MBD5: variants seen among roughly 807,000 people sequenced by gnomAD.
MBD5 encodes the protein methyl-CpG-binding domain protein 5.
A neutral mutation model predicts 117.3 loss-of-function variants in MBD5; 13 were observed. That is an observed-to-expected ratio of 0.11 (90% CI 0.07 to 0.18). MBD5 has a LOEUF of 0.18. Among genes scored for constraint, MBD5 ranks in the 10% least tolerant of loss-of-function variants. MBD5 has a pLI of 1.00. For missense variants in MBD5, 1,879 were observed against 2,093.8 expected, an observed-to-expected ratio of 0.90 and a Z score of 2.00; for synonymous variants, 727 against 766.4, an observed-to-expected ratio of 0.95 and a Z score of 0.85.
At chr2:148,066,921 G>T (rs1002042738) in intron 1 of MBD5, among the ~76,000 whole-genome samples, 1 of 152,068 alleles carries the variant, frequency 6.6e-6, no homozygotes, top group Non-Finnish European at 1.5e-5. Context: ...ATTCTTTAGT[G>T]CACCCACCCA....
intron 4 of MBD5, among the ~76,000 whole-genome samples, chr2:148,379,486 A>G (rs1003204484): frequency 1.3e-5 from 2 of 152,116 alleles, no homozygotes; most frequent in African/African-American, 2.4e-5. Context: ...AACTAAAGAA[A>G]CCTCTGAAAG....
chr2:148,421,026 T>C (rs2105262309), intron 4 of MBD5, among the ~76,000 whole-genome samples: 1 of 152,260 alleles, frequency 6.6e-6, no homozygotes, highest in East Asian at 1.9e-4. Context: ...ACTACACCCA[T>C]GAAAAGTGGT....
intron 4 of MBD5, among the ~76,000 whole-genome samples, chr2:148,380,926 A>T (rs1704123173): frequency 6.6e-6 from 1 of 152,204 alleles, no homozygotes; most frequent in Non-Finnish European, 1.5e-5. Context: ...GTTAGAAGGA[A>T]AACTACCAAA....
rs374439656 is a variant in MBD5 at position 148,030,909 on chromosome 2, A to C, written c.-925+9225A>C. Among the ~76,000 whole-genome samples the C allele has an allele frequency of 2.6e-4, 39 of 152,152 alleles. 3 individuals carry two copies. Among genetic ancestry groups the C allele is most frequent in the Admixed American group, 1.7e-3 (26 of 15,284 alleles). ...TGTCAGACTTATCTAACAGGGTGAAAAGCCTAGTCAATTGAGGAAGGAACA... is the reference window on the plus strand; with the variant it reads ...TGTCAGACTTATCTAACAGGGTGAACAGCCTAGTCAATTGAGGAAGGAACA... On this transcript the variant is annotated intron_variant, in intron 1 of 13. Coordinates refer to ENST00000642680, the MANE Select transcript of MBD5 (RefSeq NM_001378120.1).
At chr2:148,321,760 C>G (rs930803406) in intron 3 of MBD5, among the ~76,000 whole-genome samples, 5 of 152,022 alleles carry the variant, frequency 3.3e-5, no homozygotes, top group Non-Finnish European at 7.4e-5. Flanking sequence ...AAAATCCCAA[C>G]TCTTTTTTTA....
rs1682305216 is a variant in MBD5, at chr2:148,514,713, G to A, written c.*1772G>A. The A allele has an allele frequency of 6.6e-6, 1 of 152,328 alleles. No homozygotes were observed. Among genetic ancestry groups the A allele is most frequent in the Non-Finnish European group, 1.5e-5 (1 of 68,138 alleles). 9.4% of individuals were successfully genotyped at this position (152,328 alleles called of 1,614,324 possible). ...AGAGTTCCAGTAACTCAGGAAAATG[G>A]AGACCAAGGTCATTCCTTAAGTTGG... On this transcript the variant is annotated 3_prime_UTR_variant, in exon 14 of 14. Coordinates refer to ENST00000642680, the MANE Select transcript of MBD5 (RefSeq NM_001378120.1).
In MBD5 at chr2:148,348,225, C is replaced by A. The variant is rs889466049; in HGVS notation, c.-557+5889C>A. Among the ~76,000 whole-genome samples the A allele has an allele frequency of 2.0e-5, 3 of 152,014 alleles. No homozygotes were observed. In the East Asian group the frequency reaches 5.8e-4, roughly 29 times the overall value. ...TATCCAGTGGTTGTTCCTCCCCATA[C>A]CTTTTTGCACACAACTTTAGCCCGT... On this transcript the variant is annotated intron_variant, in intron 4 of 13. Coordinates refer to ENST00000642680, the MANE Select transcript of MBD5 (RefSeq NM_001378120.1).
chr2:148,471,878 TCGACACAAATG>T (rs1290116421), intron 8 of MBD5: 1 of 152,104 alleles, frequency 6.6e-6, no homozygotes, highest in African/African-American at 2.4e-5. Flanking sequence ...TTTAGATAAC[TCGACACAAATG>T]AAAATTTTAT....
intron 4 of MBD5, among the ~76,000 whole-genome samples, chr2:148,369,856 G>T (rs1703804221): frequency 6.6e-6 from 1 of 152,046 alleles, no homozygotes; most frequent in African/African-American, 2.4e-5. Context: ...TTGAATTCAG[G>T]ATATTAATAT....
intron 4 of MBD5, among the ~76,000 whole-genome samples, chr2:148,435,053 T>C (rs1380202386): frequency 6.6e-6 from 1 of 152,180 alleles, no homozygotes; most frequent in African/African-American, 2.4e-5. Context: ...GTTTAAAATC[T>C]GTTTTGTCTG....
At chr2:148,333,250 T>C (rs1458370216) in intron 3 of MBD5, among the ~76,000 whole-genome samples, 1 of 152,178 alleles carries the variant, frequency 6.6e-6, no homozygotes, top group Non-Finnish European at 1.5e-5. Flanking sequence ...TGTCACCTTA[T>C]AGTTAAGGAA....
chr2:148,109,047 G>A (rs930057461), intron 1 of MBD5, among the ~76,000 whole-genome samples: 30 of 152,118 alleles, frequency 2.0e-4, no homozygotes, highest in African/African-American at 6.3e-4. Context: ...AAATGCCTTC[G>A]TATCTTTTAC....
intron 3 of MBD5, among the ~76,000 whole-genome samples, chr2:148,298,973 G>C (rs573160320): frequency 1.3e-5 from 2 of 152,194 alleles, no homozygotes; most frequent in South Asian, 4.1e-4. Flanking sequence ...GTGTGACAAA[G>C]CAAGGATGGG....
intron 1 of MBD5, among the ~76,000 whole-genome samples, chr2:148,132,347 T>C (rs201545845): frequency 1.9e-5 from 2 of 107,754 alleles, no homozygotes; most frequent in Admixed American, 9.9e-5. Flanking sequence ...TATATATATA[T>C]ATACACATAT....
At chr2:148,099,649 G>C (rs1401308592) in intron 1 of MBD5, among the ~76,000 whole-genome samples, 1 of 152,110 alleles carries the variant, frequency 6.6e-6, no homozygotes, top group East Asian at 1.9e-4. Flanking sequence ...AAATTTTCTA[G>C]AACCCAAATC....
At chr2:148,258,560 C>A (rs923716187) in intron 3 of MBD5, among the ~76,000 whole-genome samples, 1 of 152,140 alleles carries the variant, frequency 6.6e-6, no homozygotes, top group Admixed American at 6.5e-5. Flanking sequence ...CCTAATGAAA[C>A]AGAAACAGCT....
intron 2 of MBD5, among the ~76,000 whole-genome samples, chr2:148,214,009 G>C (rs1002333213): frequency 6.6e-6 from 1 of 152,136 alleles, no homozygotes; most frequent in Admixed American, 6.6e-5. Context: ...TGCTTCTTAG[G>C]CCTCTAGGAT....
At chr2:148,266,360 C>T (rs75024453) in intron 3 of MBD5, among the ~76,000 whole-genome samples, 19,216 of 151,824 alleles carry the variant, frequency 0.13, 1,468 homozygotes, top group Non-Finnish European at 0.18. Flanking sequence ...ATAAGAAAAA[C>T]TCTTGGCACA....
intron 1 of MBD5, among the ~76,000 whole-genome samples, chr2:148,141,606 C>T (rs1697315328): frequency 6.6e-6 from 1 of 151,948 alleles, no homozygotes; most frequent in African/African-American, 2.4e-5. Flanking sequence ...ACAGGCAGAG[C>T]TTTGAAATAC....
Sources: allele counts gnomAD v4.1 joint callset (sites outside exome capture counted in the v4.1 genomes callset), GRCh38; gene constraint gnomAD v4.1.1; transcripts MANE v1.5; gene names NCBI Gene and HGNC (gene_info 2026-07-23, HGNC 2026-07-21).